ERBIN: variants seen among roughly 807,000 people sequenced by gnomAD.
ERBIN encodes densin-180-like protein.
A neutral mutation model predicts 158.4 loss-of-function variants in ERBIN; 60 were observed. The observed-to-expected ratio is 0.38, with a 90% CI of 0.31 to 0.47. ERBIN has a LOEUF of 0.47. Among genes scored for constraint, ERBIN ranks in the 20% least tolerant of loss-of-function variants. The probability of loss-of-function intolerance (pLI) is 0.99; values close to 1 mark genes in which losing one functional copy is unlikely to be tolerated. For synonymous variants in ERBIN, 594 were observed against 557.2 expected, an observed-to-expected ratio of 1.07 and a Z score of -0.93; for missense variants, 1,610 against 1,648.0, an observed-to-expected ratio of 0.98 and a Z score of 0.40.
chr5:65,934,183 A>G (rs1743792577), intron 1 of ERBIN, among the ~76,000 whole-genome samples: 1 of 152,234 alleles, frequency 6.6e-6, no homozygotes, highest in South Asian at 2.1e-4. Flanking sequence ...GGCGTGAGCC[A>G]CCGCGCCCAG....
chr5:65,968,204 T>A (rs896257729), intron 1 of ERBIN, among the ~76,000 whole-genome samples: 7 of 152,180 alleles, frequency 4.6e-5, no homozygotes, highest in African/African-American at 1.7e-4. Context: ...GGCATCTTGT[T>A]GGTTAGGGAT....
At chr5:66,064,043 G>T (rs1760741783) in intron 21 of ERBIN, among the ~76,000 whole-genome samples, 1 of 152,178 alleles carries the variant, frequency 6.6e-6, no homozygotes, top group African/African-American at 2.4e-5. Flanking sequence ...TGTACTGCTA[G>T]TAATTATCTG....
chr5:66,076,561 A>G, intron 24 of ERBIN, 153 bp downstream of exon 24: 2 of 677,916 alleles, frequency 3.0e-6, no homozygotes, highest in Admixed American at 6.3e-5. Flanking sequence ...TTGTTTTGTA[A>G]TTTGATCAGT....
intron 14 of ERBIN, among the ~76,000 whole-genome samples, chr5:66,031,539 A>C (rs142787917): frequency 2.6e-5 from 4 of 152,342 alleles, no homozygotes; most frequent in African/African-American, 9.6e-5. Flanking sequence ...TATCTCTCAA[A>C]AGAGGAACGG....
chr5:66,011,796 A>C (rs1359136531), intron 4 of ERBIN, among the ~76,000 whole-genome samples: 1 of 152,240 alleles, frequency 6.6e-6, no homozygotes, highest in Non-Finnish European at 1.5e-5. Context: ...TGTAGAAGGC[A>C]CTAATTTTCA....
At chr5:65,968,881 T>G (rs1279883217) in intron 1 of ERBIN, among the ~76,000 whole-genome samples, 3 of 152,142 alleles carry the variant, frequency 2.0e-5, no homozygotes, top group African/African-American at 7.2e-5. Flanking sequence ...ATTTTTAAAT[T>G]TGGAGAAATT....
chr5:66,025,319 G>A, intron 10 of ERBIN, 161 bp from the exon 11 acceptor site: 2 of 652,052 alleles, frequency 3.1e-6, no homozygotes, highest in East Asian at 2.7e-5. Context: ...GACAGGATGA[G>A]GGAATAGAAC....
At chr5:66,013,108 C>A (rs1754379050) in intron 5 of ERBIN, among the ~76,000 whole-genome samples, 1 of 152,102 alleles carries the variant, frequency 6.6e-6, no homozygotes, top group South Asian at 2.1e-4. Flanking sequence ...AGCTAAACAT[C>A]CTATAGTGCA....
In ERBIN at chr5:66,038,413, A is replaced by G. The variant is rs1418997135; in HGVS notation, c.1237A>G (p.Thr413Ala). Residue 413 changes from threonine to alanine, a missense_variant, in exon 15 of 26, where the codon ACT (threonine) becomes GCT (alanine). Thr to Ala is a moderately conservative substitution (Grantham distance 58). Around this residue, in one of 2 missense-constraint regions of ERBIN, gnomAD observed 596 missense variants for 711.9 expected, o/e 0.84. Coordinates refer to ENST00000284037, the MANE Select transcript of ERBIN (RefSeq NM_001253697.2). ...SKPLIPLQKETDSETQKMVLT... is the reference protein window; with the variant it reads ...SKPLIPLQKEADSETQKMVLT... ...ACCCCTGATACCTCTTCAAAAAGAA[A>G]CTGATTCAGAGACCCAGAAAATGGT... The G allele has an allele frequency of 1.2e-6, 2 of 1,612,256 alleles. No individual in the cohort carries two copies. Among genetic ancestry groups the G allele is most frequent in the South Asian group, 2.2e-5 (2 of 90,894 alleles).
At chr5:65,942,209 G>A (rs4274933) in intron 1 of ERBIN, among the ~76,000 whole-genome samples, 1 of 152,152 alleles carries the variant, frequency 6.6e-6, no homozygotes, top group African/African-American at 2.4e-5. Flanking sequence ...AGACCAGTTG[G>A]AGAAGTGAAA....
chr5:65,944,446 G>T (rs1424217172), intron 1 of ERBIN, among the ~76,000 whole-genome samples: 1 of 151,930 alleles, frequency 6.6e-6, no homozygotes, highest in Admixed American at 6.6e-5. Context: ...CTGTCACCCA[G>T]GCCAGAGTGC....
At chr5:66,018,272 C>A (rs1287332339) in intron 7 of ERBIN, among the ~76,000 whole-genome samples, 1 of 148,442 alleles carries the variant, frequency 6.7e-6, no homozygotes, top group African/African-American at 2.5e-5. Flanking sequence ...ATAGTATTGT[C>A]GTTTTAATTA....
At chr5:66,044,073 AT>A in intron 16 of ERBIN, 63 bp from the exon 17 acceptor site, 2 of 1,235,690 alleles carry the variant, frequency 1.6e-6, no homozygotes, top group South Asian at 1.8e-5. Context: ...TACAGATTAA[AT>A]TTTGTTTGAG....
At chr5:66,006,830 C>T (rs1205921742) in intron 4 of ERBIN, among the ~76,000 whole-genome samples, 1 of 152,000 alleles carries the variant, frequency 6.6e-6, no homozygotes, top group Non-Finnish European at 1.5e-5. Flanking sequence ...CAAATCAAAA[C>T]CACAATGAGA....
intron 25 of ERBIN, among the ~76,000 whole-genome samples, chr5:66,077,884 T>C (rs1308740693): frequency 6.8e-6 from 1 of 146,898 alleles, no homozygotes; most frequent in East Asian, 1.9e-4. Context: ...ACTGAGCAAG[T>C]TACTTTGCCT....
At chr5:66,024,555 C>G in intron 10 of ERBIN, 105 bp downstream of exon 10, 1 of 1,102,040 alleles carries the variant, frequency 9.1e-7, no homozygotes, top group Non-Finnish European at 1.3e-6. Flanking sequence ...TTCGTTACCA[C>G]AGGAACGGAT....
chr5:66,017,318 T>A (rs373557661), intron 7 of ERBIN, among the ~76,000 whole-genome samples: 1 of 152,160 alleles, frequency 6.6e-6, no homozygotes, highest in Non-Finnish European at 1.5e-5. Flanking sequence ...ACCAACAGTG[T>A]TCAGAGATTC....
rs1758080312 is a variant in ERBIN, at chr5:66,043,115, T to C, written c.1345T>C (p.Leu449=). The change falls in exon 16 of 26, where the codon TTG becomes CTG. Residue 449 remains leucine, a synonymous_variant. Transcript: ENST00000284037. ...ISDNESFNPS[L]WEEQRKQRAQ... ...AGATAATGAAAGTTTTAACCCTTCATTGTGGGAGGAACAGAGGAAACAGCG... is the reference window on the plus strand; with the variant it reads ...AGATAATGAAAGTTTTAACCCTTCACTGTGGGAGGAACAGAGGAAACAGCG... The C allele has an allele frequency of 1.2e-6, 2 of 1,610,334 alleles. No homozygotes were observed. Among genetic ancestry groups the C allele is most frequent in the African/African-American group, 2.7e-5 (2 of 74,838 alleles).
rs1339512481 is a variant in ERBIN, at chr5:65,994,476, T to A, written c.190-271T>A. Among the ~76,000 whole-genome samples the A allele has an allele frequency of 4.0e-5, 6 of 148,584 alleles. No homozygotes were observed. In the East Asian group the frequency reaches 1.2e-3, roughly 29 times the overall value. On this transcript the variant is annotated intron_variant, in intron 3 of 25. Coordinates refer to ENST00000284037, the MANE Select transcript of ERBIN (RefSeq NM_001253697.2). The stretch of plus-strand genomic sequence containing the variant: ...GTTTATCACATTTAGTAGCCACTTA[T>A]TTTTTTTACTAACTCAACAGAGGAT...
Sources: allele counts gnomAD v4.1 joint callset (sites outside exome capture counted in the v4.1 genomes callset), GRCh38; gene constraint gnomAD v4.1.1; regional missense constraint gnomAD v4.1.1; transcripts MANE v1.5; gene names NCBI Gene and HGNC (gene_info 2026-07-23, HGNC 2026-07-21).